Variants in CDH18 observed in about 807,000 individuals in gnomAD.
CDH18 encodes cadherin-18.
Under a neutral mutation model 67.9 loss-of-function variants are expected in CDH18, and 31 were observed. That is an observed-to-expected ratio of 0.46 (90% confidence interval 0.34 to 0.62). CDH18 has a LOEUF of 0.62. Among genes scored for constraint, CDH18 ranks in the 20% least tolerant of loss-of-function variants. The pLI is 0.01. For synonymous variants in CDH18, 362 were observed against 347.2 expected (o/e 1.04, Z -0.48); for missense variants, 890 against 975.5 (o/e 0.91, Z 1.17).
At chr5:20,069,591 T>G (rs1743289354) in intron 2 of CDH18, among the ~76,000 whole-genome samples, 1 of 152,014 alleles carries the variant, frequency 6.6e-6, no homozygotes, top group South Asian at 2.1e-4. Flanking sequence ...TTTTGTATTT[T>G]TAGTAGAGAC....
intron 1 of CDH18, among the ~76,000 whole-genome samples, chr5:20,394,803 A>T (rs964589487): frequency 6.6e-6 from 1 of 152,188 alleles, no homozygotes; most frequent in Admixed American, 6.6e-5. Context: ...AAAAGAAGAC[A>T]TACAAATGGC....
At chr5:19,769,952 A>G (rs377590487) in intron 3 of CDH18, among the ~76,000 whole-genome samples, 2 of 152,182 alleles carry the variant, frequency 1.3e-5, no homozygotes, top group African/African-American at 2.4e-5. Flanking sequence ...TCAAAAGAAG[A>G]TATGTAAACA....
chr5:20,539,196 T>C lies in CDH18; in HGVS notation c.-580+36266A>G, dbSNP rs372039464. On this transcript the variant is annotated intron_variant, in intron 1 of 14. Coordinates refer to the CDH18 transcript ENST00000507958. Reference sequence around the variant, plus strand: ...GTGAGCCACCGCACTGGGTGGCAACTTCTTATAATCAGTGTCCTATGTCAC... The same window carrying C: ...GTGAGCCACCGCACTGGGTGGCAACCTCTTATAATCAGTGTCCTATGTCAC... Among the ~76,000 whole-genome samples, 6 of 152,086 alleles carry C rather than the reference T, an allele frequency of 3.9e-5. No individual in the cohort carries two copies. In the East Asian group the frequency reaches 5.8e-4, roughly 15 times the overall value.
intron 1 of CDH18, among the ~76,000 whole-genome samples, chr5:20,408,722 T>C (rs912201857): frequency 6.6e-6 from 1 of 151,856 alleles, no homozygotes; most frequent in African/African-American, 2.4e-5. Flanking sequence ...GAGATGGGCA[T>C]AGTAAATTCT....
intron 5 of CDH18, among the ~76,000 whole-genome samples, chr5:19,641,435 G>A (rs1304904116): frequency 1.3e-5 from 2 of 152,004 alleles, no homozygotes; most frequent in African/African-American, 4.8e-5. Context: ...AGATGCAAAC[G>A]TCTTTAATAA....
chr5:19,482,318 G>A (rs1297488121), intron 12 of CDH18, among the ~76,000 whole-genome samples: 1 of 151,986 alleles, frequency 6.6e-6, no homozygotes, highest in Non-Finnish European at 1.5e-5. Context: ...GGGTTTCACT[G>A]TGTTAGCCAG....
intron 1 of CDH18, among the ~76,000 whole-genome samples, chr5:20,488,079 T>C (rs1753318914): frequency 6.6e-6 from 1 of 152,136 alleles, no homozygotes; most frequent in Non-Finnish European, 1.5e-5. Flanking sequence ...GAAAATGTCA[T>C]ATATTTTGCT....
intron 5 of CDH18, among the ~76,000 whole-genome samples, chr5:19,669,709 GC>G (rs1424921114): frequency 2.0e-5 from 3 of 152,062 alleles, no homozygotes; most frequent in African/African-American, 7.2e-5. Flanking sequence ...TTAGACAAGA[GC>G]AAAGAGGTTC....
At chr5:20,036,589 T>C (rs529152161) in intron 2 of CDH18, among the ~76,000 whole-genome samples, 2 of 152,190 alleles carry the variant, frequency 1.3e-5, no homozygotes, top group African/African-American at 4.8e-5. Context: ...TCACTAGGCA[T>C]TCAGCTTAAT....
At chr5:19,540,569 C>G (rs1486141770) in intron 9 of CDH18, among the ~76,000 whole-genome samples, 1 of 152,240 alleles carries the variant, frequency 6.6e-6, no homozygotes, top group Non-Finnish European at 1.5e-5. Context: ...CCAGGGGTTT[C>G]CATACATTCT....
chr5:20,305,545 G>A, intron 1 of CDH18: 1 of 770,888 alleles, frequency 1.3e-6, no homozygotes, highest in Non-Finnish European at 2.3e-6. Flanking sequence ...AGCGGCTGGT[G>A]GTCGCGGGGC....
rs189999041 is a variant in CDH18, at chr5:20,276,091, T to C, written c.-579-20586A>G. ...AATTGCTCTGAGGTTCTAAATAATC[T>C]TGAAAGGTAGTCTAGGCCAAAAGAA... On this transcript the variant is annotated intron_variant, in intron 1 of 14. Coordinates refer to the CDH18 transcript ENST00000507958. 1.1e-3 allele frequency among the ~76,000 whole-genome samples: 160 copies of C among 152,266 alleles called. 4 individuals are homozygous for C. Among genetic ancestry groups the C allele is most frequent in the Non-Finnish European group, 4.4e-5 (3 of 68,022 alleles).
intron 2 of CDH18, among the ~76,000 whole-genome samples, chr5:20,229,238 G>T (rs1430920942): frequency 1.3e-5 from 2 of 151,992 alleles, no homozygotes; most frequent in Non-Finnish European, 2.9e-5. Flanking sequence ...GTTGTTTACT[G>T]AAGTCAATAA....
intron 2 of CDH18, among the ~76,000 whole-genome samples, chr5:20,242,636 A>ATATATATATATGTGTATATATATG (rs1554106679): frequency 5.1e-5 from 3 of 58,388 alleles, no homozygotes; most frequent in East Asian, 1.1e-3. Flanking sequence ...ATATATATGT[A>ATATATATATATGTGTATATATATG]TATATATATA....
At chr5:20,221,428 T>C (rs1580513006) in intron 2 of CDH18, among the ~76,000 whole-genome samples, 2 of 152,004 alleles carry the variant, frequency 1.3e-5, no homozygotes, top group Admixed American at 1.3e-4. Flanking sequence ...ACTGAACTCA[T>C]GGAAATAGAG....
intron 2 of CDH18, among the ~76,000 whole-genome samples, chr5:20,038,263 C>T (rs890743508): frequency 1.3e-5 from 2 of 152,058 alleles, no homozygotes; most frequent in Admixed American, 6.6e-5. Flanking sequence ...CCAAATTCTA[C>T]CAGAGGTATG....
At chr5:20,501,580 A>T (rs1316191565) in intron 1 of CDH18, among the ~76,000 whole-genome samples, 1 of 12,410 alleles carries the variant, frequency 8.1e-5, no homozygotes. Flanking sequence ...ATATATATAT[A>T]TTATATATAT....
In CDH18 at chr5:19,634,267, C is replaced by T. The variant is rs117972001; in HGVS notation, c.644-21666G>A. The stretch of plus-strand genomic sequence containing the variant: ...TGTTATTTACTAAAGTCAGATGATG[C>T]TTTCTTTTCTTTTTATTTCCCCACC... On this transcript the variant is annotated intron_variant, in intron 5 of 12. Transcript: ENST00000382275. 1.6e-3 allele frequency among the ~76,000 whole-genome samples: 236 copies of T among 152,172 alleles called. 4 individuals are homozygous for T. The East Asian group carries it at 0.036, about 23-fold the overall frequency.
chr5:19,791,016 A>G (rs1486707208), intron 3 of CDH18, among the ~76,000 whole-genome samples: 1 of 152,040 alleles, frequency 6.6e-6, no homozygotes, highest in Non-Finnish European at 1.5e-5. Flanking sequence ...GGCTGTGGGG[A>G]AACCAGATAT....
Sources: allele counts gnomAD v4.1 joint callset (sites outside exome capture counted in the v4.1 genomes callset), GRCh38; gene constraint gnomAD v4.1.1; transcripts MANE v1.5; gene names NCBI Gene and HGNC (gene_info 2026-07-23, HGNC 2026-07-21).